THAP5: variants seen among roughly 807,000 people sequenced by gnomAD.
The protein encoded by THAP5 is THAP domain-containing protein 5.
Under a neutral mutation model 34.0 loss-of-function variants are expected in THAP5, and 26 were observed. The ratio of observed to expected loss-of-function variants is 0.77; its 90% CI spans 0.56 to 1.06. THAP5 has a LOEUF of 1.06. Among genes scored for constraint, THAP5 ranks in the 50% least tolerant of loss-of-function variants. THAP5 has a pLI of 0.00. For synonymous variants in THAP5, 125 were observed against 153.0 expected (o/e 0.82, Z 1.35); for missense variants, 394 against 452.8 (o/e 0.87, Z 1.18).
chr7:108,567,560 T>A (rs1245128988), intron 1 of THAP5, among the ~76,000 whole-genome samples: 1 of 152,228 alleles, frequency 6.6e-6, no homozygotes, highest in Admixed American at 6.5e-5. Context: ...CTTGATCATG[T>A]TTCCTGAATA....
At position 108,562,689 on chromosome 7, in the gene THAP5, G is replaced by A. The variant is rs1246092694; in HGVS notation, c.*1502C>T. On this transcript the variant is annotated 3_prime_UTR_variant, in exon 3 of 3. Coordinates refer to ENST00000415914, the MANE Select transcript of THAP5 (RefSeq NM_001130475.3). Reference sequence around the variant, plus strand: ...TGATACAACTTCCTCAACATCATAGGCAGAAACATAATTATACTGACTGCC... The same window carrying A: ...TGATACAACTTCCTCAACATCATAGACAGAAACATAATTATACTGACTGCC... 6.6e-6 allele frequency: 1 copy of A among 152,096 alleles called. No homozygotes were observed. The highest frequency in any genetic ancestry group is 6.6e-5 in the Admixed American group (1 of 15,256). The allele number at this position is 152,096 out of a possible 1,614,324, so 9.4% of individuals were successfully genotyped here. A position where few individuals can be genotyped will look rare whatever the true frequency, so the allele number is the denominator to read the frequency against.
chr7:108,551,812 C>T (rs1328847804), downstream of THAP5, among the ~76,000 whole-genome samples: 3 of 152,170 alleles, frequency 2.0e-5, no homozygotes, highest in African/African-American at 4.8e-5. Flanking sequence ...GAGTGGAGCC[C>T]AGGCCAGGAA....
downstream of THAP5, among the ~76,000 whole-genome samples, chr7:108,558,466 C>G (rs1325569385): frequency 4.1e-5 from 6 of 146,486 alleles, no homozygotes; most frequent in Non-Finnish European, 9.0e-5. Flanking sequence ...GGCGCAATCT[C>G]GGCTCAGTGC....
chr7:108,555,813 C>T (rs1228632191), intron 1 of THAP5, among the ~76,000 whole-genome samples: 1 of 150,126 alleles, frequency 6.7e-6, no homozygotes, highest in Non-Finnish European at 1.5e-5. Flanking sequence ...AGCAATTCTT[C>T]TGCCTCAGGC....
chr7:108,544,802 G>C, the THAP5 span, among the ~76,000 whole-genome samples: 1 of 151,802 alleles, frequency 6.6e-6, no homozygotes, highest in Admixed American at 6.6e-5. Flanking sequence ...GGGCTACAGG[G>C]GCACATCACC....
chr7:108,543,961 T>TA, the THAP5 span, among the ~76,000 whole-genome samples: 128 of 152,072 alleles, frequency 8.4e-4, no homozygotes, highest in African/African-American at 2.9e-3. Context: ...GGCTAAAATA[T>TA]AAAAAAAATT....
At position 108,564,315 on chromosome 7, in the gene THAP5, G is replaced by A; in HGVS notation, c.1064C>T (p.Thr355Ile). The A allele has an allele frequency of 1.2e-6, 2 of 1,613,898 alleles. No homozygotes were observed. The highest frequency in any genetic ancestry group is 1.7e-6 in the Non-Finnish European group (2 of 1,179,898). ...ITLLELKEQQ[T>I]LGRLKSLEAL... ...TTCCAAAGACTTCAATCTACCTAGA[G>A]TTTGTTGCTCTTTTAACTCTAGAAG... Residue 355 changes from threonine (T) to isoleucine (I), a missense_variant, in exon 3 of 3, where the codon ACT becomes ATT. Coordinates refer to ENST00000415914, the MANE Select transcript of THAP5 (RefSeq NM_001130475.3).
chr7:108,544,746 C>T, the THAP5 span, among the ~76,000 whole-genome samples: 1 of 151,994 alleles, frequency 6.6e-6, no homozygotes, highest in African/African-American at 2.4e-5. Flanking sequence ...CAACTTCTGC[C>T]TCTTGGGCTT....
At chr7:108,560,934 A>G (rs955103295), downstream of THAP5, among the ~76,000 whole-genome samples, 12 of 152,042 alleles carry the variant, frequency 7.9e-5, no homozygotes, top group African/African-American at 1.9e-4. Context: ...GATGGGATCT[A>G]TGTTGCCCAG....
chr7:108,542,335 TTA>T, the THAP5 span, among the ~76,000 whole-genome samples: 9 of 152,234 alleles, frequency 5.9e-5, no homozygotes, highest in African/African-American at 2.2e-4. Flanking sequence ...GGCACTCAGG[TTA>T]TCTTTTTCTG....
At chr7:108,568,201 G>A (rs1263317804) in intron 1 of THAP5, 2 of 152,214 alleles carry the variant, frequency 1.3e-5, no homozygotes, top group South Asian at 2.1e-4. Context: ...ATTACTTGGG[G>A]TTATCAGTTT....
At chr7:108,560,410 CACTGGATGCA>C, downstream of THAP5, among the ~76,000 whole-genome samples, 1 of 152,192 alleles carries the variant, frequency 6.6e-6, no homozygotes, top group East Asian at 1.9e-4. Flanking sequence ...CCATCATATT[CACTGGATGCA>C]ACTGCAGCCT....
downstream of THAP5, among the ~76,000 whole-genome samples, chr7:108,557,535 G>A (rs1183206673): frequency 6.6e-6 from 1 of 152,202 alleles, no homozygotes; most frequent in African/African-American, 2.4e-5. Context: ...GGGGCACAAT[G>A]CCACCAGTCT....
chr7:108,564,364 A>G lies in THAP5; in HGVS notation c.1015T>C (p.Ser339Pro), dbSNP rs377069513. ...AGAGTTATCTTTGAATGTAGCTTAG[A>G]GACTTTCTGCCAAAGATGTTCCTTA... The part of the protein sequence containing the change: ...INKEHLWQKV[S>P]KLHSKITLLE... The change falls in exon 3 of 3, where the codon TCT becomes CCT. Residue 339 changes from serine (S) to proline (P), a missense_variant. Ser to Pro is a moderately conservative substitution (Grantham distance 74). Transcript: ENST00000415914. 2 of 1,613,706 alleles carry G rather than the reference A, an allele frequency of 1.2e-6. No individual in the cohort carries two copies. The highest frequency in any genetic ancestry group is 1.3e-5 in the African/African-American group (1 of 74,916).
chr7:108,568,857 C>T (rs1470785462), intron 1 of THAP5, among the ~76,000 whole-genome samples: 3 of 152,178 alleles, frequency 2.0e-5, no homozygotes. Context: ...TACGACACTG[C>T]TTGTCTGTAC....
At chr7:108,555,763 C>T (rs1161011345) in intron 1 of THAP5, among the ~76,000 whole-genome samples, 1 of 146,758 alleles carries the variant, frequency 6.8e-6, no homozygotes, top group Non-Finnish European at 1.5e-5. Flanking sequence ...AGTGCAGTGG[C>T]ATGACCTTGG....
chr7:108,566,045 GA>G (rs1266317312), intron 1 of THAP5, 23 bp from the exon 2 acceptor site: 3 of 1,484,872 alleles, frequency 2.0e-6, no homozygotes, highest in South Asian at 1.4e-5. Context: ...AAAAAAAGAA[GA>G]AAAAAGGAAA....
At chr7:108,552,802 G>A (rs1192414204), downstream of THAP5, among the ~76,000 whole-genome samples, 8 of 72,510 alleles carry the variant, frequency 1.1e-4, no homozygotes, top group Non-Finnish European at 1.6e-4. Flanking sequence ...TCTGTCTCAG[G>A]GGAAAAAAAA....
the THAP5 span, among the ~76,000 whole-genome samples, chr7:108,545,866 C>A: frequency 7.9e-5 from 12 of 152,016 alleles, no homozygotes; most frequent in African/African-American, 2.9e-4. Flanking sequence ...TCTTAAATTT[C>A]TTTTCTCTCA....
Sources: allele counts gnomAD v4.1 joint callset (sites outside exome capture counted in the v4.1 genomes callset), GRCh38; gene constraint gnomAD v4.1.1; transcripts MANE v1.5; gene names NCBI Gene and HGNC (gene_info 2026-07-23, HGNC 2026-07-21).